The following NOL10 variants were observed in gnomAD, a reference collection of about 807,000 sequenced individuals.
The protein encoded by NOL10 is H_NH0074G24.1.
Under a neutral mutation model 103.5 loss-of-function variants are expected in NOL10, and 58 were observed. The observed-to-expected ratio is 0.56, with a 90% CI of 0.45 to 0.70. The LOEUF is 0.70. Ranked by LOEUF, NOL10 falls within the 30% of genes least tolerant of loss-of-function variation. The pLI, the probability that NOL10 is intolerant of heterozygous loss-of-function variation, is 0.00. For synonymous variants in NOL10, 287 were observed against 282.5 expected (o/e 1.02, Z -0.16); for missense variants, 763 against 807.3 (o/e 0.95, Z 0.67).
chr2:10,594,894 G>A (rs1388091539), intron 17 of NOL10, among the ~76,000 whole-genome samples: 1 of 152,060 alleles, frequency 6.6e-6, no homozygotes, highest in Non-Finnish European at 1.5e-5. Context: ...CTACTTGAGA[G>A]GCTGAGGTGA....
At chr2:10,627,206 A>G (rs1020113939) in intron 13 of NOL10, among the ~76,000 whole-genome samples, 2 of 152,246 alleles carry the variant, frequency 1.3e-5, no homozygotes, top group African/African-American at 4.8e-5. Context: ...AGTTATGAAT[A>G]TATAACTGAA....
chr2:10,641,517 T>C (rs930944059), intron 13 of NOL10, among the ~76,000 whole-genome samples: 1 of 152,236 alleles, frequency 6.6e-6, no homozygotes, highest in Admixed American at 6.5e-5. Flanking sequence ...GGAATACGCA[T>C]ACATTGTTTG....
chr2:10,583,020 C>T (rs981521808), intron 19 of NOL10, among the ~76,000 whole-genome samples: 11 of 152,210 alleles, frequency 7.2e-5, no homozygotes, highest in African/African-American at 1.9e-4. Context: ...TGAGGCCATC[C>T]GCATACTGGC....
At chr2:10,586,875 TA>T (rs1486227341) in intron 19 of NOL10, among the ~76,000 whole-genome samples, 5 of 151,276 alleles carry the variant, frequency 3.3e-5, no homozygotes, top group African/African-American at 9.7e-5. Flanking sequence ...CCCTGACTGT[TA>T]AAAATTCTGG....
At chr2:10,581,703 C>T (rs1284629762) in intron 19 of NOL10, among the ~76,000 whole-genome samples, 2 of 152,040 alleles carry the variant, frequency 1.3e-5, no homozygotes, top group South Asian at 2.1e-4. Flanking sequence ...GGCCTGTAGT[C>T]GCAGCTACTC....
intron 13 of NOL10, among the ~76,000 whole-genome samples, chr2:10,614,506 G>T (rs1232625051): frequency 2.0e-5 from 3 of 152,176 alleles, no homozygotes; most frequent in Non-Finnish European, 4.4e-5. Flanking sequence ...AAAAACTTCA[G>T]TAAGGTCTGG....
chr2:10,635,993 C>T (rs935247584), intron 13 of NOL10, among the ~76,000 whole-genome samples: 1 of 152,208 alleles, frequency 6.6e-6, no homozygotes, highest in African/African-American at 2.4e-5. Flanking sequence ...TCAAGTTATT[C>T]TCATGCCTCA....
chr2:10,676,126 G>C (rs1681288544), intron 3 of NOL10, among the ~76,000 whole-genome samples: 1 of 152,160 alleles, frequency 6.6e-6, no homozygotes, highest in Admixed American at 6.5e-5. Flanking sequence ...TGCAAACAAT[G>C]AAACAGTTTT....
At chr2:10,574,539 C>T (rs918681331) in intron 20 of NOL10, among the ~76,000 whole-genome samples, 10 of 149,976 alleles carry the variant, frequency 6.7e-5, no homozygotes, top group Non-Finnish European at 2.9e-5. Flanking sequence ...CCCAGCTACT[C>T]GGGAGGCTGA....
At chr2:10,686,330 G>C (rs151030884) in intron 1 of NOL10, among the ~76,000 whole-genome samples, 1 of 152,336 alleles carries the variant, frequency 6.6e-6, no homozygotes, top group East Asian at 1.9e-4. Context: ...GGCAGGACCT[G>C]TGCCAAGGTC....
At chr2:10,654,041 A>G (rs778204475) in intron 12 of NOL10, among the ~76,000 whole-genome samples, 3 of 152,232 alleles carry the variant, frequency 2.0e-5, no homozygotes, top group Non-Finnish European at 4.4e-5. Context: ...GCTGAATAGC[A>G]TACAACTTAG....
intron 13 of NOL10, among the ~76,000 whole-genome samples, chr2:10,627,702 A>AC (rs1236856086): frequency 9.9e-5 from 15 of 151,164 alleles, no homozygotes; most frequent in South Asian, 8.4e-4. Flanking sequence ...AAACAAACAA[A>AC]AAAAAACAAA....
chr2:10,591,123 T>TAA (rs1675368108), intron 17 of NOL10: 1 of 152,234 alleles, frequency 6.6e-6, no homozygotes, highest in South Asian at 2.1e-4. Context: ...TAAAAACAGA[T>TAA]AAACCCTTAC....
intron 13 of NOL10, among the ~76,000 whole-genome samples, chr2:10,640,058 T>C (rs561831860): frequency 5.4e-4 from 83 of 152,348 alleles, no homozygotes; most frequent in Non-Finnish European, 5.9e-4. Context: ...AACACTAAGT[T>C]GCCTTCATCT....
chr2:10,588,958 A>T, intron 19 of NOL10, 85 bp downstream of exon 19: 1 of 1,546,318 alleles, frequency 6.5e-7, no homozygotes, highest in South Asian at 1.2e-5. Context: ...CAAAGACAGA[A>T]ATGTCATCTT....
At chr2:10,689,387 A>G (rs1169328852) in intron 1 of NOL10, among the ~76,000 whole-genome samples, 1 of 152,168 alleles carries the variant, frequency 6.6e-6, no homozygotes, top group African/African-American at 2.4e-5. Context: ...TGTATCCCTA[A>G]GACCTGGCAA....
intron 13 of NOL10, among the ~76,000 whole-genome samples, chr2:10,613,681 T>C (rs1291449237): frequency 6.6e-6 from 1 of 152,220 alleles, no homozygotes; most frequent in Non-Finnish European, 1.5e-5. Context: ...AGAAATTGAA[T>C]TTAAACTTTT....
At chr2:10,689,740 C>G in intron 1 of NOL10, 56 bp downstream of exon 1, 1 of 1,522,704 alleles carries the variant, frequency 6.6e-7, no homozygotes, top group Non-Finnish European at 8.9e-7. Flanking sequence ...GCGGCTGCCC[C>G]ACGAGGAGGA....
At chr2:10,680,374 AGAGGGAGAAGAG>A (rs1185071718) in intron 3 of NOL10, among the ~76,000 whole-genome samples, 4 of 149,010 alleles carry the variant, frequency 2.7e-5, no homozygotes, top group Admixed American at 6.7e-5. Context: ...GAGAAGAGGG[AGAGGGAGAAGAG>A]GGAGAGGGAG....
Sources: gnomAD v4.1 joint callset for allele counts (sites outside exome capture counted in the v4.1 genomes callset) on GRCh38, gnomAD v4.1.1 for gene constraint, MANE v1.5 for transcripts, NCBI Gene and HGNC (gene_info 2026-07-23, HGNC 2026-07-21) for gene names.